Variants in VWA8 observed in about 807,000 individuals in gnomAD.
VWA8 encodes von Willebrand factor A domain-containing protein 8.
In VWA8, 221 loss-of-function variants were observed where a neutral mutation model predicts 241.5. That is an observed-to-expected ratio of 0.91 (90% CI 0.82 to 1.02). The LOEUF is 1.02. Ranked by LOEUF, VWA8 falls within the 50% of genes least tolerant of loss-of-function variation. VWA8 has a pLI of 0.00. For missense variants in VWA8, 2,322 were observed against 2,328.7 expected (o/e 1.00, Z 0.06); for synonymous variants, 852 against 827.1 (o/e 1.03, Z -0.52).
At chr13:41,797,118 C>T (rs1566461217) in intron 17 of VWA8, among the ~76,000 whole-genome samples, 1 of 152,022 alleles carries the variant, frequency 6.6e-6, no homozygotes, top group Admixed American at 6.6e-5. Flanking sequence ...GCAACCTCCA[C>T]TGCCCGGGTT....
intron 37 of VWA8, among the ~76,000 whole-genome samples, chr13:41,633,406 T>C (rs891313859): frequency 4.6e-5 from 7 of 152,124 alleles, no homozygotes; most frequent in African/African-American, 1.7e-4. Flanking sequence ...TGCATGGCCA[T>C]TGCCACTGCG....
At chr13:41,730,521 G>C (rs188786537) in intron 22 of VWA8, among the ~76,000 whole-genome samples, 2 of 152,078 alleles carry the variant, frequency 1.3e-5, no homozygotes, top group Admixed American at 6.6e-5. Flanking sequence ...GCATTAGATT[G>C]ATTTGAAGGT....
At chr13:41,663,863 C>T (rs530154270) in intron 37 of VWA8, among the ~76,000 whole-genome samples, 14 of 151,078 alleles carry the variant, frequency 9.3e-5, no homozygotes, top group East Asian at 4.1e-4. Context: ...GTCGTTAAGT[C>T]GGGGACTGTC....
chr13:41,691,347 C>T lies in VWA8; in HGVS notation c.3839G>A (p.Trp1280Ter), dbSNP rs760584342. The T allele has an allele frequency of 6.8e-6, 11 of 1,612,482 alleles. No homozygotes were observed. The highest frequency in any genetic ancestry group is 9.3e-6 in the Non-Finnish European group (11 of 1,178,872). The change falls in exon 32 of 45, where the codon TGG (tryptophan) becomes TAG (stop). Residue 1280 changes from tryptophan (W) to a stop codon, truncating the protein, a stop_gained. Coordinates refer to ENST00000379310, the MANE Select transcript of VWA8 (RefSeq NM_015058.2). LOFTEE classifies it high-confidence loss of function. Reference sequence around the variant, plus strand: ...ATTTGTTTTGCTCTCCACCAGAAGCCATTTGTCCTCTGCTACAAGGAAAAC... The same window carrying T: ...ATTTGTTTTGCTCTCCACCAGAAGCTATTTGTCCTCTGCTACAAGGAAAAC... ...KTVFLVAEDK[W>*]LLVESKTNQK...
At chr13:41,867,902 A>T (rs1389866295) in intron 10 of VWA8, among the ~76,000 whole-genome samples, 1 of 152,162 alleles carries the variant, frequency 6.6e-6, no homozygotes, top group African/African-American at 2.4e-5. Flanking sequence ...ATATATATAT[A>T]ACATATATAC....
At chr13:41,938,391 G>T (rs772982332) in intron 2 of VWA8, among the ~76,000 whole-genome samples, 1 of 151,994 alleles carries the variant, frequency 6.6e-6, no homozygotes, top group Non-Finnish European at 1.5e-5. Flanking sequence ...AGTGGCTCAC[G>T]CCTGCAATCC....
Position 41,787,468 on chromosome 13 carries a change from G to T in VWA8, c.2139C>A (p.Asp713Glu), listed in dbSNP as rs759939485. Residue 713 changes from aspartate (D) to glutamate (E), a missense_variant, in exon 18 of 45, where the codon GAC becomes GAA. By Grantham distance (45) the Asp-to-Glu change is conservative. Transcript: ENST00000379310. ...AATCCTTCAGTTCTGGCTCCAAATT[G>T]TCATCAGTATTTATTTCTATTGTAG... ...ADATIEINTD[D>E]NLEPELKDYK... 6.8e-6 allele frequency: 11 copies of T among 1,611,958 alleles called. No homozygotes were observed. The Admixed American group carries it at 1.0e-4, about 15-fold the overall frequency.
intron 21 of VWA8, 98 bp from the exon 22 acceptor site, chr13:41,732,253 T>C (rs2045490873): frequency 8.7e-7 from 1 of 1,150,312 alleles, no homozygotes; most frequent in Non-Finnish European, 1.2e-6. Flanking sequence ...AAAAGATTTT[T>C]GTTCATCATC....
intron 14 of VWA8, among the ~76,000 whole-genome samples, chr13:41,827,890 T>C (rs1008054110): frequency 2.6e-4 from 39 of 152,348 alleles, no homozygotes; most frequent in Non-Finnish European, 2.4e-4. Context: ...TGGAGACAAG[T>C]AGAATGCTTC....
intron 42 of VWA8, among the ~76,000 whole-genome samples, chr13:41,587,305 C>A (rs1225872973): frequency 6.6e-6 from 1 of 152,142 alleles, no homozygotes; most frequent in Admixed American, 6.6e-5. Flanking sequence ...ATGGCTGCAG[C>A]ATTTCTTCTG....
chr13:41,700,813 C>A (rs2045244380), intron 28 of VWA8, among the ~76,000 whole-genome samples: 1 of 152,152 alleles, frequency 6.6e-6, no homozygotes, highest in Non-Finnish European at 1.5e-5. Context: ...CTCATCTTAT[C>A]AAGTTAGAGA....
intron 38 of VWA8, among the ~76,000 whole-genome samples, chr13:41,614,055 C>T (rs190860810): frequency 6.6e-6 from 1 of 152,344 alleles, no homozygotes; most frequent in East Asian, 1.9e-4. Context: ...CAATGCATTC[C>T]ATATGGATTA....
chr13:41,694,879 T>G (rs1202279144), intron 29 of VWA8, among the ~76,000 whole-genome samples: 1 of 152,148 alleles, frequency 6.6e-6, no homozygotes, highest in African/African-American at 2.4e-5. Context: ...ATGGCATAAG[T>G]GAACTGAAAA....
chr13:41,743,572 C>G (rs781119340), intron 21 of VWA8, among the ~76,000 whole-genome samples: 5 of 152,226 alleles, frequency 3.3e-5, no homozygotes, highest in African/African-American at 1.2e-4. Context: ...GCCAGAATGT[C>G]TCACCACAAA....
chr13:41,845,655 A>G (rs965968983), intron 12 of VWA8, among the ~76,000 whole-genome samples: 9 of 152,128 alleles, frequency 5.9e-5, no homozygotes, highest in Admixed American at 5.9e-4. Flanking sequence ...ATGAAATCAC[A>G]TCCTCTGCAG....
intron 21 of VWA8, among the ~76,000 whole-genome samples, chr13:41,749,355 A>G (rs1201254234): frequency 6.6e-6 from 1 of 152,194 alleles, no homozygotes; most frequent in Non-Finnish European, 1.5e-5. Flanking sequence ...GTCAGGAAAC[A>G]ATAGGGGCTG....
intron 21 of VWA8, among the ~76,000 whole-genome samples, chr13:41,749,074 C>A (rs2045633091): frequency 6.6e-6 from 1 of 152,022 alleles, no homozygotes; most frequent in Non-Finnish European, 1.5e-5. Flanking sequence ...AACAGGCAAC[C>A]TACAGAATAG....
chr13:41,772,487 C>T (rs1466493496), intron 20 of VWA8, among the ~76,000 whole-genome samples: 3 of 152,054 alleles, frequency 2.0e-5, no homozygotes, highest in Non-Finnish European at 2.9e-5. Context: ...CAGCATGAAG[C>T]TCCTAATAGT....
At chr13:41,871,875 C>T (rs1186215653) in intron 9 of VWA8, among the ~76,000 whole-genome samples, 2 of 152,326 alleles carry the variant, frequency 1.3e-5, no homozygotes, top group South Asian at 2.1e-4. Flanking sequence ...CCTGAGAAAT[C>T]GCCACACTGA....
Sources: gnomAD v4.1 joint callset for allele counts (sites outside exome capture counted in the v4.1 genomes callset) on GRCh38, gnomAD v4.1.1 for gene constraint, MANE v1.5 for transcripts, NCBI Gene and HGNC (gene_info 2026-07-23, HGNC 2026-07-21) for gene names.